The following PIKFYVE variants were observed in gnomAD, a reference collection of about 807,000 sequenced individuals.
PIKFYVE encodes the protein 1-phosphatidylinositol 3-phosphate 5-kinase.
PIKFYVE carries 122 observed loss-of-function variants against 257.9 expected under a neutral mutation model. The ratio of observed to expected loss-of-function variants is 0.47; its 90% CI spans 0.41 to 0.55. PIKFYVE has a LOEUF of 0.55. PIKFYVE is among the 20% of genes least tolerant of loss of function. The pLI, the probability that PIKFYVE is intolerant of heterozygous loss-of-function variation, is 0.00. For synonymous variants in PIKFYVE, 892 were observed against 868.9 expected (o/e 1.03, Z -0.47); for missense variants, 2,160 against 2,536.6 (o/e 0.85, Z 3.19).
intron 31 of PIKFYVE, among the ~76,000 whole-genome samples, chr2:208,340,919 T>C (rs562824908): frequency 1.3e-5 from 2 of 152,296 alleles, no homozygotes; most frequent in Admixed American, 1.3e-4. Context: ...TTCTCTACTT[T>C]AGACCTGATT....
At chr2:208,275,572 A>C (rs895333960) in intron 3 of PIKFYVE, among the ~76,000 whole-genome samples, 2 of 152,252 alleles carry the variant, frequency 1.3e-5, no homozygotes, top group African/African-American at 4.8e-5. Flanking sequence ...CTTTATAGAA[A>C]GATAAAAGTT....
At position 208,354,160 on chromosome 2, in the gene PIKFYVE, G is replaced by C; in HGVS notation, c.6106+1G>C. On this transcript the variant is annotated splice_donor_variant, in intron 40 of 41. Coordinates refer to ENST00000264380, the MANE Select transcript of PIKFYVE (RefSeq NM_015040.4). LOFTEE classifies it high-confidence loss of function. ...AATGAGCTAGTAGTTGGAATTATAGGTAAGTCAATGAGTACCCTGCTTATA... is the reference window on the plus strand; with the variant it reads ...AATGAGCTAGTAGTTGGAATTATAGCTAAGTCAATGAGTACCCTGCTTATA... The C allele has an allele frequency of 6.2e-7, 1 of 1,612,372 alleles. No homozygotes were observed. Among genetic ancestry groups the C allele is most frequent in the South Asian group, 1.1e-5 (1 of 91,064 alleles).
At chr2:208,305,145 C>A (rs1694172250) in intron 12 of PIKFYVE, 132 bp downstream of exon 12, 1 of 1,544,938 alleles carries the variant, frequency 6.5e-7, no homozygotes, top group African/African-American at 1.4e-5. Flanking sequence ...TTTGTTCTAC[C>A]CTTTCTCATT....
intron 7 of PIKFYVE, among the ~76,000 whole-genome samples, chr2:208,292,893 T>C (rs1574482479): frequency 6.6e-6 from 1 of 152,086 alleles, no homozygotes; most frequent in East Asian, 1.9e-4. Context: ...TTGGTGTATT[T>C]AGACTATTGA....
chr2:208,300,109 C>T (rs1019484232), intron 8 of PIKFYVE, among the ~76,000 whole-genome samples: 1 of 152,004 alleles, frequency 6.6e-6, no homozygotes, highest in Admixed American at 6.6e-5. Context: ...AGTAGTAATA[C>T]TTTAATAATA....
At position 208,325,517 on chromosome 2, in the gene PIKFYVE, C is replaced by G. The variant is rs183621193; in HGVS notation, c.2706C>G (p.Val902=). The change falls in exon 20 of 42, where the codon GTC becomes GTG. Residue 902 remains valine (V), a synonymous_variant. Transcript: ENST00000264380. The part of the protein sequence containing the change: ...LIEGRGHEGA[V]QEQYGGGSIP... ...AGGGACGAGGGCATGAGGGGGCTGT[C>G]CAAGAGCAGTACGGTGGAGGTTCCA... is the stretch of plus-strand genomic sequence containing the variant. 6.2e-7 allele frequency: 1 copy of G among 1,614,170 alleles called. No homozygotes were observed. Among genetic ancestry groups the G allele is most frequent in the African/African-American group, 1.3e-5 (1 of 75,046 alleles).
At chr2:208,294,602 G>A (rs1692727514) in intron 7 of PIKFYVE, among the ~76,000 whole-genome samples, 1 of 152,162 alleles carries the variant, frequency 6.6e-6, no homozygotes, top group Non-Finnish European at 1.5e-5. Context: ...AGGTGAGCCT[G>A]TGCCCCTGAA....
chr2:208,314,827 C>T (rs903369506), intron 14 of PIKFYVE, among the ~76,000 whole-genome samples: 4 of 152,000 alleles, frequency 2.6e-5, no homozygotes, highest in South Asian at 2.1e-4. Flanking sequence ...ACTCAAGAGG[C>T]GGAGGTTGCA....
rs943433747 is a variant in PIKFYVE at position 208,330,455 on chromosome 2, G to A, written c.3792-68G>A. On this transcript the variant is annotated intron_variant, in intron 22 of 41. Coordinates refer to ENST00000264380, the MANE Select transcript of PIKFYVE (RefSeq NM_015040.4). ...GTGCAGATTGTTCACTAGTCATGCTGCACTTTGACAGTGGTTCTGATTTCT... is the reference window on the plus strand; with the variant it reads ...GTGCAGATTGTTCACTAGTCATGCTACACTTTGACAGTGGTTCTGATTTCT... The A allele has an allele frequency of 8.2e-6, 13 of 1,582,722 alleles. No homozygotes were observed. In the East Asian group the frequency reaches 1.6e-4, roughly 19 times the overall value.
chr2:208,327,454 C>T (rs1697062093), intron 20 of PIKFYVE, among the ~76,000 whole-genome samples: 1 of 152,118 alleles, frequency 6.6e-6, no homozygotes, highest in Non-Finnish European at 1.5e-5. Flanking sequence ...TGAGCAGGAT[C>T]TCAAGTCATT....
rs763755455 is a variant in PIKFYVE at position 208,307,968 on chromosome 2, TATA to T, written c.1636+2958_1636+2960del. 9.2e-5 allele frequency among the ~76,000 whole-genome samples: 14 copies of T among 152,212 alleles called. 1 individual carries two copies. The highest frequency in any genetic ancestry group is 8.3e-4 in the South Asian group (4 of 4,830). On this transcript the variant is annotated intron_variant, in intron 12 of 41. Coordinates refer to ENST00000264380, the MANE Select transcript of PIKFYVE (RefSeq NM_015040.4). ...TTTTTAAAATTGTAAATTGACAAAT[TATA>T]ATTGTATGTATTTATGGGATATAAA...
intron 7 of PIKFYVE, among the ~76,000 whole-genome samples, chr2:208,296,371 A>G (rs984511835): frequency 8.5e-5 from 13 of 152,200 alleles, no homozygotes; most frequent in Non-Finnish European, 1.6e-4. Context: ...AACTGGATGT[A>G]GGCTTCAACA....
intron 12 of PIKFYVE, among the ~76,000 whole-genome samples, chr2:208,306,934 T>C (rs758759985): frequency 6.6e-6 from 1 of 152,104 alleles, no homozygotes; most frequent in Non-Finnish European, 1.5e-5. Context: ...CGCACCACCA[T>C]GCCTGGCTAA....
chr2:208,274,185 CTTG>C, intron 3 of PIKFYVE: 1 of 966,666 alleles, frequency 1.0e-6, no homozygotes, highest in Non-Finnish European at 1.6e-6. Flanking sequence ...GCCTTCTGTC[CTTG>C]TTGGGGTGCA....
intron 5 of PIKFYVE, among the ~76,000 whole-genome samples, chr2:208,278,375 T>C (rs1690376453): frequency 6.6e-6 from 1 of 152,188 alleles, no homozygotes; most frequent in African/African-American, 2.4e-5. Flanking sequence ...TTACAACAGC[T>C]TTTTTGTTTG....
At position 208,333,226 on chromosome 2, in the gene PIKFYVE, T is replaced by TC. The variant is rs1004251014; in HGVS notation, c.3964-87dup. On this transcript the variant is annotated intron_variant, in intron 23 of 41. Coordinates refer to ENST00000264380, the MANE Select transcript of PIKFYVE (RefSeq NM_015040.4). ...TCCAGCCTGGGTGACAGAGCGAGAC[T>TC]CCATCTCAAAAAAAAAAAAGAAAAT... The TC allele has an allele frequency of 2.2e-6, 3 of 1,348,866 alleles. No homozygotes were observed. The African/African-American group carries it at 4.4e-5, about 20-fold the overall frequency. The allele number at this position is 1,348,866 out of a possible 1,614,324, so 83.6% of individuals were successfully genotyped here.
intron 12 of PIKFYVE, 84 bp from the exon 13 acceptor site, chr2:208,312,152 T>C: frequency 1.0e-6 from 1 of 989,374 alleles, no homozygotes; most frequent in East Asian, 2.4e-5. Flanking sequence ...TGTGTGGGCG[T>C]ATTCTCTATA....
intron 16 of PIKFYVE, among the ~76,000 whole-genome samples, chr2:208,319,534 A>G (rs1695961715): frequency 6.6e-6 from 1 of 152,178 alleles, no homozygotes; most frequent in Non-Finnish European, 1.5e-5. Flanking sequence ...CTGATTAGAG[A>G]TAGTCCTTGA....
Position 208,291,600 on chromosome 2 carries a change from C to T in PIKFYVE, c.911+2782C>T, listed in dbSNP as rs147167513. On this transcript the variant is annotated intron_variant, in intron 7 of 41. Coordinates refer to ENST00000264380, the MANE Select transcript of PIKFYVE (RefSeq NM_015040.4). ...AATTCACCAGTGAATGCATCTGGGC[C>T]TGGTGCTTTCTGTTTTGGAAAGTTA... is the stretch of plus-strand genomic sequence containing the variant. Among the ~76,000 whole-genome samples the T allele has an allele frequency of 5.7e-3, 873 of 152,198 alleles. 5 individuals are homozygous for T. The highest frequency in any genetic ancestry group is 8.0e-3 in the Non-Finnish European group (542 of 67,966).
Sources: gnomAD v4.1 joint callset for allele counts (sites outside exome capture counted in the v4.1 genomes callset) on GRCh38, gnomAD v4.1.1 for gene constraint, MANE v1.5 for transcripts, NCBI Gene and HGNC (gene_info 2026-07-23, HGNC 2026-07-21) for gene names.